Variants in TSFM observed in about 807,000 individuals in gnomAD.
TSFM encodes the protein Ts translation elongation factor, mitochondrial.
TSFM carries 29 observed loss-of-function variants against 33.4 expected under a neutral mutation model. That is an observed-to-expected ratio of 0.87 (90% CI 0.65 to 1.18). The LOEUF (loss-of-function observed/expected upper bound fraction) is 1.18, where lower values mean the gene tolerates loss of function less well. TSFM is among the 50% of genes most tolerant of loss of function. The pLI is 0.00. For synonymous variants in TSFM, 178 were observed against 163.5 expected (o/e 1.09, Z -0.68); for missense variants, 394 against 395.6 (o/e 1.00, Z 0.04).
At chr12:57,784,739 G>T (rs954700371) in intron 2 of TSFM, among the ~76,000 whole-genome samples, 1 of 151,686 alleles carries the variant, frequency 6.6e-6, no homozygotes, top group African/African-American at 2.4e-5. Context: ...AATTAGCCTG[G>T]TGTGGTGGCA....
chr12:57,799,114 T>C (rs75266378), downstream of TSFM, among the ~76,000 whole-genome samples: 28 of 152,178 alleles, frequency 1.8e-4, 2 homozygotes, highest in East Asian at 4.6e-3. Context: ...CTGGAGCAGG[T>C]ATGGGAAGCA....
chr12:57,802,362 G>A, downstream of TSFM: 1 of 1,598,366 alleles, frequency 6.3e-7, no homozygotes, highest in South Asian at 1.1e-5. Flanking sequence ...TTAAGGTGGA[G>A]ATTTAATATA....
intron 3 of TSFM, 93 bp downstream of exon 3, chr12:57,786,384 G>A (rs1192916402): frequency 7.1e-7 from 1 of 1,414,800 alleles, no homozygotes; most frequent in Non-Finnish European, 9.4e-7. Context: ...TTGAAGAAGA[G>A]ATCTGTTTAA....
chr12:57,796,324 G>C lies in TSFM; in HGVS notation c.719G>C (p.Cys240Ser), dbSNP rs750799705. Residue 240 changes from cysteine to serine, a missense_variant, in exon 6 of 6, where the codon TGT becomes TCT. Cys to Ser is a moderately radical substitution (Grantham distance 112). This residue lies in a region of TSFM where 186 missense variants were observed against 198.8 expected (regional missense o/e 0.94). Transcript: ENST00000652027. ...GGGAAGTATGGGGCCCTGGTCATCT[G>C]TGAGACGTCTGAACAGAAAACAAAC... ...VLGKYGALVI[C>S]ETSEQKTNLE... is the part of the protein sequence containing the mutation. The C allele has an allele frequency of 3.1e-6, 5 of 1,610,540 alleles. No individual in the cohort carries two copies. Among genetic ancestry groups the C allele is most frequent in the Non-Finnish European group, 3.4e-6 (4 of 1,178,416 alleles).
At chr12:57,789,050 C>T (rs958354389) in intron 4 of TSFM, among the ~76,000 whole-genome samples, 1 of 151,638 alleles carries the variant, frequency 6.6e-6, no homozygotes, top group Non-Finnish European at 1.5e-5. Flanking sequence ...GCAACCTCTC[C>T]CTCCCAGTTC....
chr12:57,782,815 G>A lies in TSFM; in HGVS notation c.14G>A (p.Arg5Gln), dbSNP rs896713530. 6.3e-7 allele frequency: 1 copy of A among 1,593,296 alleles called. No individual in the cohort carries two copies. Among genetic ancestry groups the A allele is most frequent in the Non-Finnish European group, 8.5e-7 (1 of 1,170,802 alleles). The change falls in exon 1 of 6, where the codon CGG becomes CAG. Residue 5 changes from arginine (R) to glutamine (Q), a missense_variant. Physicochemically the swap from Arg to Gln is conservative, Grantham distance 43. Coordinates refer to ENST00000652027, the MANE Select transcript of TSFM (RefSeq NM_005726.6). MSLL[R>Q]SLRVFLVART... is the part of the protein sequence containing the mutation. ...GCGGCTAGAGAGATGTCGCTGCTGC[G>A]GTCGCTGCGCGTGTTTCTGGTCGCG... is the stretch of plus-strand genomic sequence containing the variant.
chr12:57,793,246 G>T (rs1468778919), intron 5 of TSFM, among the ~76,000 whole-genome samples, 173 bp downstream of exon 5: 3 of 151,204 alleles, frequency 2.0e-5, no homozygotes, highest in Admixed American at 1.3e-4. Context: ...TTTTTTTTCC[G>T]AGACAGAGTC....
chr12:57,787,093 C>T lies in TSFM; in HGVS notation c.414C>T (p.Val138=). The part of the protein sequence containing the change: ...VSRNLKFQLL[V]QQVALGTMMH... ...GAAATTTAAAATTTCAACTGTTGGT[C>T]CAGCAAGTAGCCCTTGGAACCATGA... The change falls in exon 4 of 6, where the codon GTC becomes GTT. Residue 138 remains valine (V), a synonymous_variant. Coordinates refer to ENST00000652027, the MANE Select transcript of TSFM (RefSeq NM_005726.6). 3 of 1,611,820 alleles carry T rather than the reference C, an allele frequency of 1.9e-6. No individual in the cohort carries two copies. The highest frequency in any genetic ancestry group is 4.5e-5 in the East Asian group (2 of 44,866).
chr12:57,789,811 G>A (rs1282487293), intron 4 of TSFM, among the ~76,000 whole-genome samples: 2 of 152,142 alleles, frequency 1.3e-5, no homozygotes, highest in African/African-American at 4.8e-5. Flanking sequence ...TCGTTTTGAT[G>A]CTCAAATTAT....
downstream of TSFM, chr12:57,800,421 C>G (rs1955822707): frequency 6.5e-6 from 1 of 153,346 alleles, no homozygotes; most frequent in South Asian, 2.0e-4. Context: ...CTGCTGGATT[C>G]CTGGCTAGAG....
At chr12:57,783,549 T>A in intron 2 of TSFM, 1 of 654,932 alleles carries the variant, frequency 1.5e-6, no homozygotes, top group Non-Finnish European at 2.9e-6. Context: ...TGGAGTCAGA[T>A]TGTTCAGGAG....
At chr12:57,799,773 C>T (rs1955808828), downstream of TSFM, 2 of 1,613,366 alleles carry the variant, frequency 1.2e-6, no homozygotes, top group East Asian at 4.5e-5. Flanking sequence ...TTCCAACAGA[C>T]ACAGTTCCTT....
At position 57,797,223 on chromosome 12, in the gene TSFM, C is replaced by T. The variant is rs1030278625; in HGVS notation, c.*640C>T. The T allele has an allele frequency of 6.1e-6, 6 of 985,456 alleles. No homozygotes were observed. In the African/African-American group the frequency reaches 1.0e-4, roughly 17 times the overall value. 61.0% of individuals were successfully genotyped at this position (985,456 alleles called of 1,614,324 possible). A position where few individuals can be genotyped will look rare whatever the true frequency, so the allele number is the denominator to read the frequency against. ...TGGCCAGCTGTAAGGCAGATTTTGA[C>T]ATTCTTGTGCCAGAAACAGAAATTA... On this transcript the variant is annotated 3_prime_UTR_variant, in exon 6 of 6. Coordinates refer to ENST00000652027, the MANE Select transcript of TSFM (RefSeq NM_005726.6).
At position 57,796,324 on chromosome 12, in the gene TSFM, G is replaced by A; in HGVS notation, c.719G>A (p.Cys240Tyr). ...VLGKYGALVI[C>Y]ETSEQKTNLE... ...GGGAAGTATGGGGCCCTGGTCATCT[G>A]TGAGACGTCTGAACAGAAAACAAAC... Residue 240 changes from cysteine to tyrosine, a missense_variant, in exon 6 of 6, where the codon TGT (cysteine) becomes TAT (tyrosine). Cys to Tyr is a radical substitution (Grantham distance 194, BLOSUM62 -2). Transcript: ENST00000652027. 6.2e-7 allele frequency: 1 copy of A among 1,610,658 alleles called. No homozygotes were observed. Among genetic ancestry groups the A allele is most frequent in the Non-Finnish European group, 8.5e-7 (1 of 1,178,408 alleles).
downstream of TSFM, chr12:57,798,063 A>G (rs1955771708): frequency 8.2e-7 from 1 of 1,216,792 alleles, no homozygotes; most frequent in East Asian, 2.5e-5. Flanking sequence ...AAGTTGAGGA[A>G]GTTGGAGCAA....
At chr12:57,783,841 C>T (rs1028860131) in intron 2 of TSFM, 2 of 648,370 alleles carry the variant, frequency 3.1e-6, no homozygotes, top group Admixed American at 4.7e-5. Context: ...GTCTCGAACT[C>T]CTGGCCTCAG....
chr12:57,784,915 T>TC lies in TSFM; in HGVS notation c.232-1247dup, dbSNP rs1176067417. Among the ~76,000 whole-genome samples the TC allele has an allele frequency of 1.1e-4, 13 of 122,496 alleles. 1 individual carries two copies. Among genetic ancestry groups the TC allele is most frequent in the African/African-American group, 3.3e-4 (12 of 36,070 alleles). 80.4% of individuals were successfully genotyped at this position (122,496 alleles called of 152,430 possible). ...AACAACAACTTTTTTTATTGAAATA[T>TC]CTTTTTTTTTTTTTTTTTTTTTTTT... On this transcript the variant is annotated intron_variant, in intron 2 of 5. Transcript: ENST00000652027.
At chr12:57,793,457 C>T (rs1030197297) in intron 5 of TSFM, among the ~76,000 whole-genome samples, 23 of 151,884 alleles carry the variant, frequency 1.5e-4, no homozygotes, top group African/African-American at 3.9e-4. Context: ...CTCCTGACCT[C>T]GTGATCCGCC....
Position 57,796,253 on chromosome 12 carries a change from T to G in TSFM, c.648T>G (p.Tyr216Ter), listed in dbSNP as rs572532426. 1 of 1,613,384 alleles carries G rather than the reference T, an allele frequency of 6.2e-7. No individual in the cohort carries two copies. The highest frequency in any genetic ancestry group is 8.5e-7 in the Non-Finnish European group (1 of 1,179,542). ...KVPSGFYVGS[Y>*]VHGAMQSPSL... ...CATCTGGGTTCTACGTTGGCTCTTA[T>G]GTCCACGGAGCAATGCAGAGTCCCT... The change falls in exon 6 of 6, where the codon TAT becomes TAG. Residue 216 changes from tyrosine to a stop codon, truncating the protein, a stop_gained. Transcript: ENST00000652027. LOFTEE classifies it high-confidence loss of function.
Sources: allele counts gnomAD v4.1 joint callset (sites outside exome capture counted in the v4.1 genomes callset), GRCh38; gene constraint gnomAD v4.1.1; regional missense constraint gnomAD v4.1.1; transcripts MANE v1.5; gene names NCBI Gene and HGNC (gene_info 2026-07-23, HGNC 2026-07-21).